The following ATP13A5 variants were observed in gnomAD, a reference collection of about 807,000 sequenced individuals.
The protein encoded by ATP13A5 is probable cation-transporting ATPase 13A5.
A neutral mutation model predicts 150.2 loss-of-function variants in ATP13A5; 149 were observed. That is an observed-to-expected ratio of 0.99 (90% CI 0.87 to 1.14). The LOEUF is 1.14. Among genes scored for constraint, ATP13A5 ranks in the 50% most tolerant of loss-of-function variants. The pLI, the probability that ATP13A5 is intolerant of heterozygous loss-of-function variation, is 0.00. For missense variants in ATP13A5, 1,383 were observed against 1,449.3 expected, an observed-to-expected ratio of 0.95 and a Z score of 0.74; for synonymous variants, 497 against 522.2, an observed-to-expected ratio of 0.95 and a Z score of 0.66.
At chr3:193,312,305 A>G (rs1169035558) in intron 19 of ATP13A5, among the ~76,000 whole-genome samples, 3 of 152,086 alleles carry the variant, frequency 2.0e-5, no homozygotes, top group Non-Finnish European at 4.4e-5. Context: ...TATATTTTCT[A>G]AGATCTCTAC....
chr3:193,288,438 C>T (rs1280509149), intron 26 of ATP13A5, among the ~76,000 whole-genome samples: 3 of 152,108 alleles, frequency 2.0e-5, no homozygotes, highest in African/African-American at 7.2e-5. Flanking sequence ...AGCAGCCGCT[C>T]AGCTTGAGGT....
At chr3:193,321,945 G>A in intron 15 of ATP13A5, 108 bp from the exon 16 acceptor site, 1 of 1,235,264 alleles carries the variant, frequency 8.1e-7, no homozygotes, top group Non-Finnish European at 1.1e-6. Flanking sequence ...ACATCTTGAT[G>A]TAGTATATTT....
At chr3:193,291,839 C>A (rs184155219) in intron 25 of ATP13A5, among the ~76,000 whole-genome samples, 6 of 152,130 alleles carry the variant, frequency 3.9e-5, no homozygotes, top group African/African-American at 1.4e-4. Context: ...TTTGAGACCC[C>A]TAATAGACCT....
chr3:193,283,670 T>C (rs187621058), intron 27 of ATP13A5, among the ~76,000 whole-genome samples: 3 of 152,156 alleles, frequency 2.0e-5, no homozygotes, highest in Non-Finnish European at 2.9e-5. Context: ...ACAAACTTTC[T>C]AGAAAGCAAC....
At chr3:193,292,084 A>T (rs2108829898) in intron 25 of ATP13A5, among the ~76,000 whole-genome samples, 1 of 151,840 alleles carries the variant, frequency 6.6e-6, no homozygotes, top group East Asian at 1.9e-4. Context: ...TGGAGGCTTT[A>T]CCCTTAATCT....
At position 193,324,851 on chromosome 3, in the gene ATP13A5, ACT is replaced by A. The variant is rs770451919; in HGVS notation, c.1674+11_1674+12del. 2.7e-5 allele frequency: 44 copies of A among 1,610,266 alleles called. No homozygotes were observed. Among genetic ancestry groups the A allele is most frequent in the Non-Finnish European group, 3.6e-5 (42 of 1,178,886 alleles). ...CCTCAGATTCTCATCTTTCCATTAA[ACT>A]ATCACCTTACCCAGGCAGTGCCCTC... On this transcript the variant is annotated intron_variant, in intron 14 of 29. Coordinates refer to ENST00000342358, the MANE Select transcript of ATP13A5 (RefSeq NM_198505.4).
At chr3:193,290,455 A>G (rs1343159066) in intron 25 of ATP13A5, among the ~76,000 whole-genome samples, 4 of 152,210 alleles carry the variant, frequency 2.6e-5, no homozygotes, top group Middle Eastern at 3.4e-3. Context: ...TAGAATGAGG[A>G]GAATAAGGAG....
At chr3:193,303,318 GA>G (rs1212931629) in intron 23 of ATP13A5, among the ~76,000 whole-genome samples, 3 of 152,074 alleles carry the variant, frequency 2.0e-5, no homozygotes, top group African/African-American at 7.2e-5. Flanking sequence ...CTCCCCTACT[GA>G]AAGCTTCCCT....
chr3:193,290,391 G>C (rs1397579505), intron 25 of ATP13A5, among the ~76,000 whole-genome samples: 1 of 152,128 alleles, frequency 6.6e-6, no homozygotes, highest in Non-Finnish European at 1.5e-5. Context: ...GGCCTTGCTC[G>C]TGGGATAAGC....
chr3:193,305,671 G>A lies in ATP13A5; in HGVS notation c.2569-3C>T. 1 of 1,613,308 alleles carries A rather than the reference G, an allele frequency of 6.2e-7. No homozygotes were observed. Among genetic ancestry groups the A allele is most frequent in the Non-Finnish European group, 8.5e-7 (1 of 1,179,348 alleles). On this transcript the variant is annotated splice_polypyrimidine_tract_variant and splice_region_variant and intron_variant, in intron 22 of 29. Coordinates refer to ENST00000342358, the MANE Select transcript of ATP13A5 (RefSeq NM_198505.4). ...CCTGCATGAGCCGCTTTCAAAGCCTGGAATGATAAGCCCATGTCTCACCCA... is the reference window on the plus strand; with the variant it reads ...CCTGCATGAGCCGCTTTCAAAGCCTAGAATGATAAGCCCATGTCTCACCCA...
At chr3:193,344,194 A>G (rs1409064771) in intron 8 of ATP13A5, 139 bp from the exon 9 acceptor site, 11 of 1,130,444 alleles carry the variant, frequency 9.7e-6, no homozygotes, top group Admixed American at 3.0e-5. Flanking sequence ...TTTTTAGTCA[A>G]TTGAAAATTC....
intron 25 of ATP13A5, among the ~76,000 whole-genome samples, chr3:193,294,021 G>A (rs1456836664): frequency 1.3e-5 from 2 of 152,004 alleles, no homozygotes; most frequent in Non-Finnish European, 2.9e-5. Context: ...ACGTCAGGTC[G>A]ATAAATTTTC....
intron 25 of ATP13A5, 95 bp downstream of exon 25, chr3:193,299,036 G>C: frequency 2.1e-6 from 2 of 941,142 alleles, no homozygotes; most frequent in Non-Finnish European, 3.2e-6. Context: ...TGGAAATAAG[G>C]GTGCCTCTTT....
intron 21 of ATP13A5, 144 bp from the exon 22 acceptor site, chr3:193,307,513 G>A (rs1718664894): frequency 2.1e-6 from 2 of 950,196 alleles, no homozygotes; most frequent in South Asian, 3.0e-5. Flanking sequence ...GAAGAAAAAT[G>A]GTTTGGAGAG....
In ATP13A5 at chr3:193,284,983, T is replaced by C. The variant is rs6787746; in HGVS notation, c.3157A>G (p.Ile1053Val). The change falls in exon 27 of 30, where the codon ATC becomes GTC. Residue 1053 changes from isoleucine to valine, a missense_variant. Transcript: ENST00000342358. ...ETTTLWPITT[I>V]NYITVAFIFS... ...ATGAATGCTACTGTGATATAGTTGA[T>C]GGTGGTGATGGGCCACAGTGTGGTG... 1,470 of 1,614,124 alleles carry C rather than the reference T, an allele frequency of 9.1e-4. 11 individuals are homozygous for C. In the African/African-American group the frequency reaches 0.017, roughly 18 times the overall value.
At chr3:193,341,995 T>G (rs1333756822) in intron 9 of ATP13A5, among the ~76,000 whole-genome samples, 1 of 152,190 alleles carries the variant, frequency 6.6e-6, no homozygotes, top group African/African-American at 2.4e-5. Flanking sequence ...GTCCTTTATA[T>G]TTGGGAGCGA....
chr3:193,371,329 C>T (rs919187342), intron 1 of ATP13A5, among the ~76,000 whole-genome samples: 1 of 152,202 alleles, frequency 6.6e-6, no homozygotes, highest in Non-Finnish European at 1.5e-5. Flanking sequence ...TTAAGAGGGG[C>T]TTTTCGTTGC....
intron 19 of ATP13A5, among the ~76,000 whole-genome samples, chr3:193,312,346 T>C (rs530350171): frequency 6.6e-6 from 1 of 152,334 alleles, no homozygotes; most frequent in African/African-American, 2.4e-5. Context: ...ACCCTCATTG[T>C]CTTCACTGTA....
At chr3:193,343,620 T>G (rs1712211104) in intron 9 of ATP13A5, among the ~76,000 whole-genome samples, 1 of 152,188 alleles carries the variant, frequency 6.6e-6, no homozygotes. Flanking sequence ...AGATTGTGCT[T>G]CAAACTGTGT....
Sources: gnomAD v4.1 joint callset for allele counts (sites outside exome capture counted in the v4.1 genomes callset) on GRCh38, gnomAD v4.1.1 for gene constraint, MANE v1.5 for transcripts, NCBI Gene and HGNC (gene_info 2026-07-23, HGNC 2026-07-21) for gene names.